MAF: variants seen among roughly 807,000 people sequenced by gnomAD.
The protein encoded by MAF is MAF bZIP transcription factor.
A neutral mutation model predicts 22.0 loss-of-function variants in MAF; 10 were observed. The observed-to-expected ratio is 0.45, with a 90% CI of 0.28 to 0.77. The LOEUF (loss-of-function observed/expected upper bound fraction) is 0.77, where lower values mean the gene tolerates loss of function less well. Among genes scored for constraint, MAF ranks in the 30% least tolerant of loss-of-function variants. The probability of loss-of-function intolerance (pLI) is 0.12; values close to 1 mark genes in which losing one functional copy is unlikely to be tolerated. For missense variants in MAF, 544 were observed against 548.4 expected, an observed-to-expected ratio of 0.99 and a Z score of 0.08; for synonymous variants, 337 against 255.8, an observed-to-expected ratio of 1.32 and a Z score of -3.03.
downstream of MAF, among the ~76,000 whole-genome samples, chr16:79,592,964 A>G (rs913134349): frequency 2.0e-5 from 3 of 152,188 alleles, no homozygotes; most frequent in African/African-American, 7.2e-5. Context: ...CGCTAAGAAG[A>G]GCTTGGTTGT....
chr16:79,219,544 G>A, the MAF span, among the ~76,000 whole-genome samples: 1 of 82,242 alleles, frequency 1.2e-5, no homozygotes, highest in Non-Finnish European at 2.2e-5. Flanking sequence ...GCGAGACTCT[G>A]CCTCAAAAAA....
the MAF span, chr16:79,211,844 C>T: frequency 6.2e-7 from 1 of 1,610,950 alleles, no homozygotes; most frequent in Non-Finnish European, 8.5e-7. Flanking sequence ...GTGTGTGTCC[C>T]CTCACGCAAG....
At chr16:79,556,061 T>C in the MAF span, among the ~76,000 whole-genome samples, 1 of 152,168 alleles carries the variant, frequency 6.6e-6, no homozygotes, top group African/African-American at 2.4e-5. Context: ...GATGATTTGT[T>C]TATAATATAT....
At chr16:79,374,072 C>G in the MAF span, among the ~76,000 whole-genome samples, 13 of 152,166 alleles carry the variant, frequency 8.5e-5, no homozygotes, top group African/African-American at 3.1e-4. Context: ...GTCTCCTCCT[C>G]TGCCTTGTCA....
At chr16:79,361,305 C>T in the MAF span, among the ~76,000 whole-genome samples, 2 of 152,128 alleles carry the variant, frequency 1.3e-5, no homozygotes, top group Non-Finnish European at 2.9e-5. Flanking sequence ...CTGAGTCCCT[C>T]CTCTAGGTGT....
the MAF span, among the ~76,000 whole-genome samples, chr16:79,302,830 G>C: frequency 5.3e-5 from 8 of 152,230 alleles, no homozygotes; most frequent in Non-Finnish European, 1.0e-4. Flanking sequence ...AGCAAATGAA[G>C]ACAAGCTGTT....
At chr16:79,340,693 CA>C in the MAF span, among the ~76,000 whole-genome samples, 1 of 152,002 alleles carries the variant, frequency 6.6e-6, no homozygotes, top group East Asian at 2.0e-4. Context: ...GTATCTTGCT[CA>C]TTGTAGGGTG....
the MAF span, among the ~76,000 whole-genome samples, chr16:79,577,963 C>A: frequency 6.6e-6 from 1 of 152,120 alleles, no homozygotes; most frequent in Non-Finnish European, 1.5e-5. Context: ...GTTCAATACC[C>A]TTGACATTGG....
chr16:79,213,898 C>CCCTACTTCTCTTATAATT, the MAF span, among the ~76,000 whole-genome samples: 4 of 152,072 alleles, frequency 2.6e-5, no homozygotes, highest in African/African-American at 9.7e-5. Flanking sequence ...TTTTTTTCTA[C>CCCTACTTCTCTTATAATT]CCTACTTCTC....
chr16:79,442,803 T>G, the MAF span, among the ~76,000 whole-genome samples: 1 of 152,108 alleles, frequency 6.6e-6, no homozygotes, highest in Admixed American at 6.5e-5. Context: ...GAGACACAAA[T>G]AGGGCAGAGG....
chr16:79,420,699 T>A, the MAF span, among the ~76,000 whole-genome samples: 1 of 152,180 alleles, frequency 6.6e-6, no homozygotes, highest in African/African-American at 2.4e-5. Context: ...TCATCCGCGG[T>A]GAACCGCGGC....
At chr16:79,565,506 T>TC in the MAF span, among the ~76,000 whole-genome samples, 10 of 149,072 alleles carry the variant, frequency 6.7e-5, no homozygotes, top group African/African-American at 1.7e-4. Context: ...TCACGTGTTG[T>TC]GGGGGGGGGG....
the MAF span, among the ~76,000 whole-genome samples, chr16:79,210,153 G>T: frequency 6.6e-6 from 1 of 152,152 alleles, no homozygotes; most frequent in African/African-American, 2.4e-5. Flanking sequence ...GCCCAGAGTC[G>T]TATCACTTGA....
At chr16:79,203,647 G>T in the MAF span, 1 of 152,116 alleles carries the variant, frequency 6.6e-6, no homozygotes, top group African/African-American at 2.4e-5. Context: ...AAAACAGCCA[G>T]CTACTTGGTT....
chr16:79,220,328 A>C, the MAF span, among the ~76,000 whole-genome samples: 1 of 152,024 alleles, frequency 6.6e-6, no homozygotes, highest in South Asian at 2.1e-4. Flanking sequence ...GGATCAGAAA[A>C]ACACATGTGC....
chr16:79,358,153 C>T, the MAF span, among the ~76,000 whole-genome samples: 1 of 152,184 alleles, frequency 6.6e-6, no homozygotes, highest in Non-Finnish European at 1.5e-5. Context: ...GGAATTTTTC[C>T]CACCAACAGC....
chr16:79,363,914 G>T, the MAF span, among the ~76,000 whole-genome samples: 1 of 152,176 alleles, frequency 6.6e-6, no homozygotes, highest in Admixed American at 6.5e-5. Context: ...AAGGGTAGTT[G>T]AGTTGGAGGG....
At chr16:79,289,214 G>A in the MAF span, among the ~76,000 whole-genome samples, 7 of 152,290 alleles carry the variant, frequency 4.6e-5, no homozygotes, top group Admixed American at 4.6e-4. Flanking sequence ...GGTGTGACTG[G>A]TGTTTCAAAA....
the MAF span, among the ~76,000 whole-genome samples, chr16:79,473,741 A>AAGT: frequency 6.6e-6 from 1 of 152,208 alleles, no homozygotes; most frequent in Non-Finnish European, 1.5e-5. Context: ...ATAAGTACTT[A>AAGT]ACCGTATCGC....
Sources: gnomAD v4.1 joint callset for allele counts (sites outside exome capture counted in the v4.1 genomes callset) on GRCh38, gnomAD v4.1.1 for gene constraint, MANE v1.5 for transcripts, NCBI Gene and HGNC (gene_info 2026-07-23, HGNC 2026-07-21) for gene names.